STAU1: variants seen among roughly 807,000 people sequenced by gnomAD.
The protein encoded by STAU1 is double-stranded RNA-binding protein Staufen homolog 1.
STAU1 carries 13 observed loss-of-function variants against 62.9 expected under a neutral mutation model. The ratio of observed to expected loss-of-function variants is 0.21; its 90% CI spans 0.13 to 0.33. The LOEUF (loss-of-function observed/expected upper bound fraction) is 0.33. Among genes scored for constraint, STAU1 ranks in the 10% least tolerant of loss-of-function variants. STAU1 has a pLI of 1.00. For missense variants in STAU1, 571 were observed against 712.1 expected, an observed-to-expected ratio of 0.80 and a Z score of 2.25; for synonymous variants, 269 against 265.1, an observed-to-expected ratio of 1.01 and a Z score of -0.14.
At chr20:49,150,384 CAG>C (rs919184111) in intron 5 of STAU1, among the ~76,000 whole-genome samples, 1 of 150,242 alleles carries the variant, frequency 6.7e-6, no homozygotes, top group African/African-American at 2.5e-5. Flanking sequence ...TTTTTTGAGA[CAG>C]AGTCTCGCTC....
At chr20:49,133,474 A>C (rs1263372151) in intron 6 of STAU1, among the ~76,000 whole-genome samples, 2 of 152,170 alleles carry the variant, frequency 1.3e-5, no homozygotes, top group Non-Finnish European at 2.9e-5. Flanking sequence ...GGAGAAAAGC[A>C]ACACTTCTCC....
At position 49,122,900 on chromosome 20, in the gene STAU1, G is replaced by A. The variant is rs185642563; in HGVS notation, c.966+192C>T. ...CCACTGCACTCCAGCCTGGGCGACAGAGTGAGACTCCATCTCAAAAATAAA... is the reference window on the plus strand; with the variant it reads ...CCACTGCACTCCAGCCTGGGCGACAAAGTGAGACTCCATCTCAAAAATAAA... On this transcript the variant is annotated intron_variant, in intron 8 of 13. Transcript: ENST00000371856. Among the ~76,000 whole-genome samples, 239 of 150,032 alleles carry A rather than the reference G, an allele frequency of 1.6e-3. 2 individuals carry two copies. The highest frequency in any genetic ancestry group is 4.1e-4 in the Non-Finnish European group (28 of 67,764).
chr20:49,184,358 G>A (rs2093762355), intron 1 of STAU1, among the ~76,000 whole-genome samples: 1 of 152,048 alleles, frequency 6.6e-6, no homozygotes, highest in Non-Finnish European at 1.5e-5. Context: ...GCAGCTTAGG[G>A]TGCAAGGCCG....
chr20:49,156,729 G>C (rs2093363206), intron 3 of STAU1, among the ~76,000 whole-genome samples: 1 of 152,100 alleles, frequency 6.6e-6, no homozygotes, highest in Admixed American at 6.5e-5. Context: ...ACTGTAATAT[G>C]TCACTTGAAC....
the STAU1 span, among the ~76,000 whole-genome samples, chr20:49,199,050 G>T: frequency 7.3e-5 from 11 of 151,316 alleles, no homozygotes. Context: ...GGAGGCTGAG[G>T]CAGGAGAATC....
intron 5 of STAU1, among the ~76,000 whole-genome samples, chr20:49,143,085 G>C (rs1435654009): frequency 1.3e-5 from 2 of 152,082 alleles, no homozygotes; most frequent in African/African-American, 4.8e-5. Context: ...ATAGGAGTGA[G>C]CCACCGTGCC....
chr20:49,186,050 C>G (rs1476927997), intron 1 of STAU1, among the ~76,000 whole-genome samples: 1 of 151,980 alleles, frequency 6.6e-6, no homozygotes, highest in African/African-American at 2.4e-5. Flanking sequence ...CCACCCGCCT[C>G]GGCCTCCCAA....
In STAU1 at chr20:49,175,464, A is replaced by C. The variant is rs547159078; in HGVS notation, c.-159-1195T>G. ...GATGAGAGTAATATGAATATCTCAT[A>C]ATGTTTAGGCTTTGTTTGTTCAGGT... On this transcript the variant is annotated intron_variant, in intron 1 of 13. Coordinates refer to ENST00000371856, the MANE Select transcript of STAU1 (RefSeq NM_017453.4). Among the ~76,000 whole-genome samples, 6 of 152,212 alleles carry C rather than the reference A, an allele frequency of 3.9e-5. No individual in the cohort carries two copies. In the South Asian group the frequency reaches 6.2e-4, roughly 16 times the overall value.
At position 49,166,157 on chromosome 20, in the gene STAU1, G is replaced by A. The variant is rs767127568; in HGVS notation, c.45C>T (p.Leu15=). The change falls in exon 3 of 14, where the codon CTC becomes CTT. Residue 15 remains leucine, a synonymous_variant. Coordinates refer to ENST00000371856, the MANE Select transcript of STAU1 (RefSeq NM_017453.4). ...QVQVQNPSAA[L]SGSQILNKNQ... ...TCTTGTTCAGTATTTGGCTCCCTGAGAGAGCAGCAGATGGGTTCTGAACTT... is the reference window on the plus strand; with the variant it reads ...TCTTGTTCAGTATTTGGCTCCCTGAAAGAGCAGCAGATGGGTTCTGAACTT... The A allele has an allele frequency of 1.8e-5, 29 of 1,614,084 alleles. No homozygotes were observed. Among genetic ancestry groups the A allele is most frequent in the Admixed American group, 3.3e-5 (2 of 59,996 alleles).
chr20:49,129,029 T>G (rs1441837841), intron 6 of STAU1, among the ~76,000 whole-genome samples: 7 of 151,740 alleles, frequency 4.6e-5, no homozygotes, highest in Non-Finnish European at 1.0e-4. Context: ...AGCCACAGAC[T>G]TAAGAGAAAA....
At chr20:49,197,348 G>A in the STAU1 span, among the ~76,000 whole-genome samples, 2 of 149,192 alleles carry the variant, frequency 1.3e-5, no homozygotes, top group Non-Finnish European at 3.0e-5. Context: ...AAAATAAAAA[G>A]TTGTATTTGG....
intron 5 of STAU1, among the ~76,000 whole-genome samples, chr20:49,137,680 T>C (rs1451982071): frequency 6.6e-6 from 1 of 152,022 alleles, no homozygotes; most frequent in African/African-American, 2.4e-5. Flanking sequence ...CTTTTTTTTT[T>C]TTGAGATGGA....
At chr20:49,209,376 A>C in the STAU1 span, among the ~76,000 whole-genome samples, 4 of 150,602 alleles carry the variant, frequency 2.7e-5, no homozygotes, top group Non-Finnish European at 5.9e-5. Context: ...TACCCTATGC[A>C]TGAGTCCCAC....
At chr20:49,161,345 CA>C (rs2093445253) in intron 3 of STAU1, among the ~76,000 whole-genome samples, 1 of 151,964 alleles carries the variant, frequency 6.6e-6, no homozygotes, top group South Asian at 2.1e-4. Flanking sequence ...CCAAATATTC[CA>C]AAAAGCAACA....
intron 2 of STAU1, among the ~76,000 whole-genome samples, chr20:49,170,337 A>G (rs2093581318): frequency 6.6e-6 from 1 of 152,232 alleles, no homozygotes; most frequent in Non-Finnish European, 1.5e-5. Flanking sequence ...ACTATGAAAT[A>G]CTTAAGCAAT....
chr20:49,134,984 A>G, intron 6 of STAU1: 3 of 1,602,934 alleles, frequency 1.9e-6, no homozygotes, highest in Non-Finnish European at 2.6e-6. Context: ...GAGACAGTTC[A>G]TGAACAAGAG....
chr20:49,154,991 CAGG>C (rs758611394), intron 3 of STAU1, among the ~76,000 whole-genome samples: 7 of 152,058 alleles, frequency 4.6e-5, no homozygotes, highest in Non-Finnish European at 8.8e-5. Flanking sequence ...GAGGCTGAGG[CAGG>C]AGAATCGCCT....
chr20:49,120,880 CA>C (rs2092450098), intron 8 of STAU1, among the ~76,000 whole-genome samples: 1 of 152,044 alleles, frequency 6.6e-6, no homozygotes. Flanking sequence ...CTGCAACCTC[CA>C]CTTCCCAGGT....
rs921453181 is a variant in STAU1, at chr20:49,140,875, T to C, written c.511-4944A>G. On this transcript the variant is annotated intron_variant, in intron 5 of 13. Transcript: ENST00000371856. ...AAGATACCAGAAATCATCAACACAG[T>C]AACTTGTGCTAACCCCAGATTAACT... Among the ~76,000 whole-genome samples, 6 of 152,050 alleles carry C rather than the reference T, an allele frequency of 3.9e-5. No individual in the cohort carries two copies. In the East Asian group the frequency reaches 7.7e-4, roughly 20 times the overall value.
Sources: allele counts gnomAD v4.1 joint callset (sites outside exome capture counted in the v4.1 genomes callset), GRCh38; gene constraint gnomAD v4.1.1; transcripts MANE v1.5; gene names NCBI Gene and HGNC (gene_info 2026-07-23, HGNC 2026-07-21).